The following SGCZ variants were observed in gnomAD, a reference collection of about 807,000 sequenced individuals.
SGCZ encodes the protein zeta-sarcoglycan.
SGCZ carries 40 observed loss-of-function variants against 41.3 expected under a neutral mutation model. The ratio of observed to expected loss-of-function variants is 0.97; its 90% CI spans 0.75 to 1.26. SGCZ has a LOEUF of 1.26. Ranked by LOEUF, SGCZ falls within the 50% of genes most tolerant of loss-of-function variation. SGCZ has a pLI of 0.00. For missense variants in SGCZ, 552 were observed against 369.8 expected (o/e 1.49, Z -4.04); for synonymous variants, 206 against 137.5 (o/e 1.50, Z -3.49).
At chr8:14,500,681 G>C (rs1003659880) in intron 2 of SGCZ, among the ~76,000 whole-genome samples, 2 of 151,892 alleles carry the variant, frequency 1.3e-5, no homozygotes, top group African/African-American at 4.8e-5. Context: ...AATCTTAGTT[G>C]ATAATGTAAA....
At chr8:14,705,660 A>G (rs1183101077) in intron 1 of SGCZ, among the ~76,000 whole-genome samples, 1 of 152,014 alleles carries the variant, frequency 6.6e-6, no homozygotes, top group Non-Finnish European at 1.5e-5. Context: ...CTAAGTGTGT[A>G]TCTAAGAGTC....
chr8:14,700,047 A>C (rs1052098371), intron 1 of SGCZ, among the ~76,000 whole-genome samples: 3 of 152,058 alleles, frequency 2.0e-5, no homozygotes, highest in Non-Finnish European at 4.4e-5. Flanking sequence ...AACAGATTGG[A>C]GATTTCTCGA....
At chr8:14,615,669 TGTAA>T (rs767805185) in intron 1 of SGCZ, among the ~76,000 whole-genome samples, 2 of 152,116 alleles carry the variant, frequency 1.3e-5, no homozygotes, top group Admixed American at 6.5e-5. Context: ...CAGACAAAAT[TGTAA>T]GTATTAAGTT....
chr8:15,203,224 GA>G (rs1800953385), intron 1 of SGCZ, among the ~76,000 whole-genome samples: 3 of 152,084 alleles, frequency 2.0e-5, no homozygotes, highest in African/African-American at 7.2e-5. Context: ...CCAAATCTCA[GA>G]AGTCATATTT....
At chr8:14,616,128 CAA>C (rs1806093239) in intron 1 of SGCZ, among the ~76,000 whole-genome samples, 5 of 151,884 alleles carry the variant, frequency 3.3e-5, no homozygotes, top group Admixed American at 3.3e-4. Context: ...CTAAAAAATA[CAA>C]AATTTAGCCG....
At chr8:14,199,856 A>T (rs1183080909) in intron 4 of SGCZ, among the ~76,000 whole-genome samples, 1 of 152,198 alleles carries the variant, frequency 6.6e-6, no homozygotes, top group Non-Finnish European at 1.5e-5. Context: ...TGAAGATCTA[A>T]GATCTTAAGA....
intron 3 of SGCZ, among the ~76,000 whole-genome samples, chr8:14,283,798 T>C (rs944037698): frequency 6.6e-6 from 1 of 152,216 alleles, no homozygotes. Flanking sequence ...ACAGCAGCCA[T>C]AGGCAGTGCC....
chr8:14,584,842 G>A (rs150190056), intron 1 of SGCZ, among the ~76,000 whole-genome samples: 3 of 152,018 alleles, frequency 2.0e-5, no homozygotes, highest in Non-Finnish European at 4.4e-5. Flanking sequence ...CACAATGACA[G>A]AGATAAGTAC....
At chr8:15,013,492 T>C (rs1162979535) in intron 1 of SGCZ, among the ~76,000 whole-genome samples, 1 of 152,150 alleles carries the variant, frequency 6.6e-6, no homozygotes, top group Non-Finnish European at 1.5e-5. Flanking sequence ...AAGTAATGCC[T>C]ATTTCCTTTT....
chr8:14,283,869 T>G (rs1057253828), intron 3 of SGCZ, among the ~76,000 whole-genome samples: 2 of 152,224 alleles, frequency 1.3e-5, no homozygotes, highest in African/African-American at 4.8e-5. Flanking sequence ...TAAACTAGTT[T>G]ACATTAAAAA....
intron 2 of SGCZ, among the ~76,000 whole-genome samples, chr8:14,476,005 C>G (rs1371897538): frequency 1.3e-5 from 2 of 151,550 alleles, no homozygotes; most frequent in East Asian, 3.9e-4. Flanking sequence ...CAGGGTCTCA[C>G]TATGTTGCCC....
intron 3 of SGCZ, among the ~76,000 whole-genome samples, chr8:14,250,590 G>T (rs573124750): frequency 5.0e-4 from 76 of 152,122 alleles, no homozygotes; most frequent in Non-Finnish European, 8.2e-4. Flanking sequence ...AAAGAATAGG[G>T]GTCTCCATAT....
intron 1 of SGCZ, among the ~76,000 whole-genome samples, chr8:15,075,327 G>T (rs901927631): frequency 3.3e-5 from 5 of 151,998 alleles, no homozygotes; most frequent in African/African-American, 1.2e-4. Context: ...TTTAGACATA[G>T]AATACATTTA....
Position 14,809,022 on chromosome 8 carries a change from T to A in SGCZ, c.40-254096A>T, listed in dbSNP as rs1320785980. On this transcript the variant is annotated intron_variant, in intron 1 of 7. Coordinates refer to ENST00000382080, the MANE Select transcript of SGCZ (RefSeq NM_139167.4). ...GCATATTCTCACTCATAGGTGGGAA[T>A]TGAACAATGAGATCAAATGGACACA... is the stretch of plus-strand genomic sequence containing the variant. Among the ~76,000 whole-genome samples, 14 of 150,378 alleles carry A rather than the reference T, an allele frequency of 9.3e-5. 1 individual carries two copies. Among genetic ancestry groups the A allele is most frequent in the African/African-American group, 3.0e-4 (12 of 40,412 alleles).
chr8:15,006,828 G>C (rs1002497407), intron 1 of SGCZ, among the ~76,000 whole-genome samples: 3 of 152,152 alleles, frequency 2.0e-5, no homozygotes, highest in East Asian at 1.9e-4. Flanking sequence ...ATTAATACTG[G>C]AAACCATACT....
intron 5 of SGCZ, chr8:14,161,217 T>C (rs1204586746): frequency 6.6e-6 from 1 of 152,248 alleles, no homozygotes; most frequent in Non-Finnish European, 1.5e-5. Flanking sequence ...CTGCATGCTA[T>C]GCTACGCACA....
rs1800861385 is a variant in SGCZ, at chr8:15,200,637, A to T, written c.39+36948T>A. Among the ~76,000 whole-genome samples the T allele has an allele frequency of 2.0e-5, 3 of 152,174 alleles. No individual in the cohort carries two copies. In the South Asian group the frequency reaches 6.2e-4, roughly 32 times the overall value. ...GTTACATGGAGTCATATCACCTTAG[A>T]TCCTTTCTATAACATTAGTGAGAGC... On this transcript the variant is annotated intron_variant, in intron 1 of 7. Transcript: ENST00000382080.
intron 1 of SGCZ, among the ~76,000 whole-genome samples, chr8:14,784,653 G>A (rs1003031706): frequency 8.6e-5 from 13 of 151,512 alleles, no homozygotes; most frequent in African/African-American, 2.7e-4. Context: ...TAAGCACTTT[G>A]GGAGGCCAAG....
At chr8:14,613,756 A>C (rs1241304558) in intron 1 of SGCZ, among the ~76,000 whole-genome samples, 3 of 152,186 alleles carry the variant, frequency 2.0e-5, no homozygotes, top group Non-Finnish European at 2.9e-5. Flanking sequence ...AGAGGGTTAC[A>C]GGAAAGATGT....
Sources: gnomAD v4.1 joint callset for allele counts (sites outside exome capture counted in the v4.1 genomes callset) on GRCh38, gnomAD v4.1.1 for gene constraint, MANE v1.5 for transcripts, NCBI Gene and HGNC (gene_info 2026-07-23, HGNC 2026-07-21) for gene names.